The following MS4A15 variants were observed in gnomAD, a reference collection of about 807,000 sequenced individuals.
The protein encoded by MS4A15 is membrane-spanning 4-domains subfamily A member 15.
A neutral mutation model predicts 20.6 loss-of-function variants in MS4A15; 22 were observed. That is an observed-to-expected ratio of 1.07 (90% CI 0.76 to 1.52). MS4A15 has a LOEUF of 1.52. MS4A15 is among the 40% of genes most tolerant of loss of function. MS4A15 has a pLI of 0.00. For synonymous variants in MS4A15, 129 were observed against 129.3 expected, an observed-to-expected ratio of 1.00 and a Z score of 0.02; for missense variants, 312 against 323.0, an observed-to-expected ratio of 0.97 and a Z score of 0.26.
Position 60,775,736 on chromosome 11 carries a change from G to T in MS4A15, c.*21G>T. On this transcript the variant is annotated 3_prime_UTR_variant, in exon 7 of 7. Transcript: ENST00000405633. ...TCTGAGTAGCAGATGTGGCACCTGCGGGTGGAGTCCAGCCTTTTCCCTCTG... is the reference window on the plus strand; with the variant it reads ...TCTGAGTAGCAGATGTGGCACCTGCTGGTGGAGTCCAGCCTTTTCCCTCTG... The T allele has an allele frequency of 6.3e-7, 1 of 1,592,718 alleles. No homozygotes were observed.
intron 3 of MS4A15, 58 bp downstream of exon 3, chr11:60,767,713 C>G (rs2134716093): frequency 6.8e-7 from 1 of 1,460,866 alleles, no homozygotes; most frequent in East Asian, 2.6e-5. Context: ...GCTCACCTCT[C>G]CCCCACGCGC....
chr11:60,775,106 A>G (rs1316764229), intron 6 of MS4A15, among the ~76,000 whole-genome samples: 1 of 152,172 alleles, frequency 6.6e-6, no homozygotes. Flanking sequence ...ATCTGAGGTC[A>G]GGAGTTCAAG....
rs372634691 is a variant in MS4A15 at position 60,775,735 on chromosome 11, C to T, written c.*20C>T. 1.1e-5 allele frequency: 17 copies of T among 1,593,438 alleles called. No individual in the cohort carries two copies. Among genetic ancestry groups the T allele is most frequent in the South Asian group, 6.6e-5 (6 of 90,372 alleles). On this transcript the variant is annotated 3_prime_UTR_variant, in exon 7 of 7. Transcript: ENST00000405633. ...GTCTGAGTAGCAGATGTGGCACCTG[C>T]GGGTGGAGTCCAGCCTTTTCCCTCT...
rs779882697 is a variant in MS4A15 at position 60,767,551 on chromosome 11, G to C, written c.244G>C (p.Gly82Arg). 34 of 1,547,430 alleles carry C rather than the reference G, an allele frequency of 2.2e-5. No homozygotes were observed. Among genetic ancestry groups the C allele is most frequent in the East Asian group, 9.8e-5 (4 of 40,846 alleles). Residue 82 changes from glycine (G) to arginine (R), a missense_variant, in exon 3 of 7, where the codon GGC becomes CGC. Transcript: ENST00000405633. ...CCCGCAGACGGTGCAGATCCTCATC[G>C]GCCTCATCCACCTAGGCTTTGGCAG... is the stretch of plus-strand genomic sequence containing the variant. ...KVLGTVQILIGLIHLGFGSVL... is the reference protein window; with the variant it reads ...KVLGTVQILIRLIHLGFGSVL...
At chr11:60,768,572 G>A (rs1853942205) in intron 3 of MS4A15, among the ~76,000 whole-genome samples, 1 of 152,172 alleles carries the variant, frequency 6.6e-6, no homozygotes, top group Non-Finnish European at 1.5e-5. Context: ...CAGGTCAACG[G>A]GGTCTGAATC....
chr11:60,771,811 G>A, intron 4 of MS4A15: 1 of 1,191,304 alleles, frequency 8.4e-7, no homozygotes, highest in South Asian at 1.6e-5. Context: ...ATCCCATGAT[G>A]GGGCTGGATT....
intron 4 of MS4A15, 194 bp downstream of exon 4, chr11:60,771,541 T>A (rs1169323465): frequency 2.6e-6 from 4 of 1,532,788 alleles, no homozygotes; most frequent in Non-Finnish European, 3.5e-6. Context: ...AAGACAGGGA[T>A]ACTCTTTCAA....
chr11:60,763,743 GC>G lies in MS4A15; in HGVS notation c.11del (p.Ala4ValfsTer64), dbSNP rs1455417792. 4.3e-6 allele frequency: 7 copies of G among 1,612,124 alleles called. No individual in the cohort carries two copies. Among genetic ancestry groups the G allele is most frequent in the Non-Finnish European group, 5.9e-6 (7 of 1,179,896 alleles). MSAAPASNGVFVVI... is the reference protein window; with the variant it reads MSAXPASNGVFVVI... ...AGGCTCTCTGAGCACGATGTCTGCAGCTCCCGCCAGCAATGGAGTGTTTGTT... is the reference window on the plus strand; with the variant it reads ...AGGCTCTCTGAGCACGATGTCTGCAGTCCCGCCAGCAATGGAGTGTTTGTT... On this transcript the variant is annotated frameshift_variant, in exon 2 of 7. Transcript: ENST00000405633. LOFTEE classifies it high-confidence loss of function.
At chr11:60,764,698 C>T (rs1853837255) in intron 2 of MS4A15, among the ~76,000 whole-genome samples, 1 of 152,180 alleles carries the variant, frequency 6.6e-6, no homozygotes, top group South Asian at 2.1e-4. Context: ...ATCATGAAGT[C>T]AGGAGATCAA....
chr11:60,758,241 A>G (rs1434461879), intron 1 of MS4A15, among the ~76,000 whole-genome samples: 1 of 146,738 alleles, frequency 6.8e-6, no homozygotes, highest in African/African-American at 2.6e-5. Context: ...CAATGCTCAC[A>G]GCTAGCAATA....
intron 1 of MS4A15, among the ~76,000 whole-genome samples, chr11:60,760,080 C>T (rs1286817406): frequency 2.0e-5 from 3 of 152,224 alleles, no homozygotes; most frequent in Non-Finnish European, 4.4e-5. Context: ...GAAATACCCA[C>T]AGGTGTGGAG....
chr11:60,773,590 C>A, intron 5 of MS4A15, 106 bp downstream of exon 5: 1 of 962,528 alleles, frequency 1.0e-6, no homozygotes, highest in South Asian at 1.4e-5. Flanking sequence ...GTTGGCAGGG[C>A]CTGCCAGTCC....
chr11:60,772,803 G>A (rs924584643), intron 4 of MS4A15, among the ~76,000 whole-genome samples: 6 of 152,060 alleles, frequency 3.9e-5, no homozygotes, highest in African/African-American at 1.2e-4. Flanking sequence ...TGCCCTGCAC[G>A]CTCTTTAGAC....
At chr11:60,772,436 TC>T (rs1437771691) in intron 4 of MS4A15, among the ~76,000 whole-genome samples, 1 of 152,030 alleles carries the variant, frequency 6.6e-6, no homozygotes, top group African/African-American at 2.4e-5. Context: ...AAACCCAGTG[TC>T]CCCCGGGCTG....
chr11:60,759,044 C>T (rs1044357568), intron 1 of MS4A15, among the ~76,000 whole-genome samples: 2 of 152,236 alleles, frequency 1.3e-5, no homozygotes, highest in Non-Finnish European at 2.9e-5. Flanking sequence ...ATGTGAAGGG[C>T]ATTACTAATG....
intron 1 of MS4A15, among the ~76,000 whole-genome samples, chr11:60,759,093 C>CTCTGT (rs1397843185): frequency 6.6e-6 from 1 of 152,214 alleles, no homozygotes; most frequent in East Asian, 1.9e-4. Flanking sequence ...GTAAGAGCTC[C>CTCTGT]TCTGTGACCA....
intron 1 of MS4A15, among the ~76,000 whole-genome samples, chr11:60,757,861 G>A (rs1045411510): frequency 3.9e-5 from 6 of 152,212 alleles, no homozygotes; most frequent in Non-Finnish European, 7.3e-5. Flanking sequence ...ACTCTGAGGC[G>A]CTTTTTGGCG....
intron 4 of MS4A15, chr11:60,771,881 G>T (rs965949066): frequency 7.0e-6 from 5 of 719,422 alleles, no homozygotes; most frequent in African/African-American, 5.6e-5. Context: ...GAACAGGAGG[G>T]TATGAGCTTT....
At position 60,763,943 on chromosome 11, in the gene MS4A15, G is replaced by T. The variant is rs753787323; in HGVS notation, c.210G>T (p.Glu70Asp). 5 of 1,612,554 alleles carry T rather than the reference G, an allele frequency of 3.1e-6. No individual in the cohort carries two copies. The highest frequency in any genetic ancestry group is 4.2e-6 in the Non-Finnish European group (5 of 1,179,698). ...CCGTGGAGACATTCCTGACAGGAGA[G>T]CCCAAAGTTTTGGGGGTAAGAACAG... Reference protein sequence around the residue: ...LRPVETFLTGEPKVLGTVQIL... With the variant: ...LRPVETFLTGDPKVLGTVQIL... The change falls in exon 2 of 7, where the codon GAG becomes GAT. Residue 70 changes from glutamate (E) to aspartate (D), a missense_variant. By Grantham distance (45) the Glu-to-Asp change is conservative. Coordinates refer to ENST00000405633, the MANE Select transcript of MS4A15 (RefSeq NM_001098835.2).
Sources: allele counts gnomAD v4.1 joint callset (sites outside exome capture counted in the v4.1 genomes callset), GRCh38; gene constraint gnomAD v4.1.1; transcripts MANE v1.5; gene names NCBI Gene and HGNC (gene_info 2026-07-23, HGNC 2026-07-21).